Variants in TENM2 observed in about 807,000 individuals in gnomAD.
TENM2 encodes teneurin transmembrane protein 2.
Under a neutral mutation model 245.2 loss-of-function variants are expected in TENM2, and 52 were observed. That is an observed-to-expected ratio of 0.21 (90% CI 0.17 to 0.27). The LOEUF (loss-of-function observed/expected upper bound fraction) is 0.27. TENM2 is among the 10% of genes least tolerant of loss of function. The probability of loss-of-function intolerance (pLI) is 1.00; values close to 1 mark genes in which losing one functional copy is unlikely to be tolerated. For missense variants in TENM2, 3,046 were observed against 3,666.8 expected, an observed-to-expected ratio of 0.83 and a Z score of 4.37; for synonymous variants, 1,363 against 1,438.9, an observed-to-expected ratio of 0.95 and a Z score of 1.19.
chr5:167,210,504 C>T, the TENM2 span, among the ~76,000 whole-genome samples: 12 of 146,370 alleles, frequency 8.2e-5, no homozygotes, highest in South Asian at 2.2e-4. Context: ...TTGCCCAGGC[C>T]GGACTGCGGA....
downstream of TENM2, chr5:168,263,494 A>C (rs1343001726): frequency 1.3e-5 from 2 of 152,650 alleles, no homozygotes; most frequent in African/African-American, 2.4e-5. Context: ...AGAAAAAAAA[A>C]CATGAGGGAA....
chr5:167,893,170 A>G (rs1774900504), intron 3 of TENM2, among the ~76,000 whole-genome samples: 1 of 152,160 alleles, frequency 6.6e-6, no homozygotes. Flanking sequence ...TCTGTGATAA[A>G]TAAGGGAAAT....
chr5:167,797,972 C>T (rs747889451), intron 2 of TENM2, among the ~76,000 whole-genome samples: 26 of 152,210 alleles, frequency 1.7e-4, no homozygotes, highest in Admixed American at 3.3e-4. Context: ...GTGGTTCTGG[C>T]ACCATTTTGG....
At chr5:167,353,571 G>C (rs1189594261) in intron 1 of TENM2, among the ~76,000 whole-genome samples, 2 of 145,430 alleles carry the variant, frequency 1.4e-5, no homozygotes, top group Non-Finnish European at 3.0e-5. Context: ...GCAGTGGCGG[G>C]ATCTCGGCTC....
chr5:168,241,262 C>CT (rs11361504), intron 25 of TENM2: 234 of 147,062 alleles, frequency 1.6e-3, no homozygotes, highest in Middle Eastern at 6.9e-3. Context: ...TCTTTTTGTT[C>CT]TTTTTTTTTT....
chr5:168,037,460 A>C (rs1274473454), intron 5 of TENM2, among the ~76,000 whole-genome samples: 1 of 152,160 alleles, frequency 6.6e-6, no homozygotes, highest in African/African-American at 2.4e-5. Flanking sequence ...TCTAGCTGTG[A>C]ATAAACTTCT....
chr5:167,642,588 T>C (rs760216640), intron 2 of TENM2, among the ~76,000 whole-genome samples: 1 of 152,306 alleles, frequency 6.6e-6, no homozygotes, highest in East Asian at 1.9e-4. Flanking sequence ...TTATTACCTA[T>C]ACGATGTGAA....
the TENM2 span, among the ~76,000 whole-genome samples, chr5:167,152,236 C>T: frequency 2.0e-5 from 3 of 152,174 alleles, no homozygotes; most frequent in Non-Finnish European, 2.9e-5. Flanking sequence ...TATTATGAAG[C>T]TTATTCACAT....
intron 2 of TENM2, among the ~76,000 whole-genome samples, chr5:167,814,311 C>T (rs539176942): frequency 2.4e-4 from 37 of 152,056 alleles, no homozygotes; most frequent in African/African-American, 8.4e-4. Context: ...AAAAGTAGCA[C>T]GTAGGCTCTT....
chr5:167,905,902 C>T (rs959706536), intron 3 of TENM2, among the ~76,000 whole-genome samples: 9 of 152,088 alleles, frequency 5.9e-5, no homozygotes, highest in Admixed American at 1.3e-4. Flanking sequence ...AAAGCTAATG[C>T]GACAGGGAAC....
intron 1 of TENM2, among the ~76,000 whole-genome samples, chr5:167,308,353 C>T (rs1057421682): frequency 6.6e-6 from 1 of 152,194 alleles, no homozygotes; most frequent in South Asian, 2.1e-4. Context: ...AAAGTTCCTA[C>T]ACCCAGTATT....
the TENM2 span, among the ~76,000 whole-genome samples, chr5:167,094,183 TC>T: frequency 1.3e-5 from 2 of 152,190 alleles, no homozygotes; most frequent in Admixed American, 6.5e-5. Flanking sequence ...ATTACAATTT[TC>T]TTGAGCTATA....
chr5:167,262,711 T>G, the TENM2 span, among the ~76,000 whole-genome samples: 2 of 152,184 alleles, frequency 1.3e-5, no homozygotes, highest in Non-Finnish European at 2.9e-5. Context: ...CAGAGTATAA[T>G]GCAAGACTGG....
chr5:167,402,978 A>C (rs1212691012), intron 2 of TENM2, among the ~76,000 whole-genome samples: 1 of 152,152 alleles, frequency 6.6e-6, no homozygotes, highest in Non-Finnish European at 1.5e-5. Context: ...AAGCTAATAC[A>C]CAGGAAGGCC....
intron 2 of TENM2, among the ~76,000 whole-genome samples, chr5:167,380,603 A>G (rs1761041910): frequency 6.6e-6 from 1 of 152,100 alleles, no homozygotes; most frequent in South Asian, 2.1e-4. Flanking sequence ...CTATCAAGGA[A>G]TGGCTCCATT....
chr5:167,457,513 A>T (rs995203501), intron 2 of TENM2, among the ~76,000 whole-genome samples: 1 of 151,684 alleles, frequency 6.6e-6, no homozygotes, highest in African/African-American at 2.4e-5. Flanking sequence ...ATGCCCGGGT[A>T]ATTTTGTATT....
intron 2 of TENM2, among the ~76,000 whole-genome samples, chr5:167,524,082 A>G (rs1023033626): frequency 6.6e-6 from 1 of 152,314 alleles, no homozygotes; most frequent in African/African-American, 2.4e-5. Flanking sequence ...GGCCATTCAC[A>G]TTCCATATAG....
chr5:168,201,301 T>TAC (rs1429731791), intron 17 of TENM2, among the ~76,000 whole-genome samples: 6 of 151,880 alleles, frequency 4.0e-5, no homozygotes, highest in Admixed American at 6.6e-5. Context: ...TATATATATA[T>TAC]ACACACATAC....
At chr5:167,154,684 A>G in the TENM2 span, among the ~76,000 whole-genome samples, 1 of 152,164 alleles carries the variant, frequency 6.6e-6, no homozygotes. Flanking sequence ...CTAGGCCTGT[A>G]TTCTCTTTTT....
Sources: allele counts gnomAD v4.1 joint callset (sites outside exome capture counted in the v4.1 genomes callset), GRCh38; gene constraint gnomAD v4.1.1; transcripts MANE v1.5; gene names NCBI Gene and HGNC (gene_info 2026-07-23, HGNC 2026-07-21).